FSHR: variants seen among roughly 807,000 people sequenced by gnomAD.
FSHR encodes the protein follicle-stimulating hormone receptor.
In FSHR, 46 loss-of-function variants were observed where a neutral mutation model predicts 52.1. The ratio of observed to expected loss-of-function variants is 0.88; its 90% CI spans 0.70 to 1.13. The LOEUF (loss-of-function observed/expected upper bound fraction) is 1.13. Among genes scored for constraint, FSHR ranks in the 50% most tolerant of loss-of-function variants. The pLI is 0.00. For synonymous variants in FSHR, 399 were observed against 309.6 expected, an observed-to-expected ratio of 1.29 and a Z score of -3.03; for missense variants, 964 against 834.6, an observed-to-expected ratio of 1.16 and a Z score of -1.91.
chr2:49,106,540 G>T (rs973377751), intron 1 of FSHR, among the ~76,000 whole-genome samples: 1 of 152,136 alleles, frequency 6.6e-6, no homozygotes, highest in African/African-American at 2.4e-5. Flanking sequence ...AATCAATTAA[G>T]CGAGAAGAAA....
At chr2:49,010,531 T>G (rs1667230902) in intron 4 of FSHR, among the ~76,000 whole-genome samples, 1 of 152,064 alleles carries the variant, frequency 6.6e-6, no homozygotes, top group East Asian at 1.9e-4. Flanking sequence ...ATCAGAATGA[T>G]GCTGGCCTCA....
intron 2 of FSHR, among the ~76,000 whole-genome samples, chr2:49,036,342 C>T (rs559420075): frequency 3.2e-4 from 49 of 152,018 alleles, no homozygotes; most frequent in African/African-American, 1.2e-3. Context: ...TCTCCAGTTA[C>T]CCTTTTTTAT....
At chr2:49,080,898 T>G (rs966973435) in intron 1 of FSHR, among the ~76,000 whole-genome samples, 10 of 152,128 alleles carry the variant, frequency 6.6e-5, no homozygotes, top group African/African-American at 2.4e-4. Context: ...CTACTCTAAT[T>G]ACCTAGGTCC....
intron 2 of FSHR, among the ~76,000 whole-genome samples, chr2:49,049,613 T>G (rs1335193980): frequency 1.3e-5 from 2 of 152,108 alleles, no homozygotes; most frequent in Non-Finnish European, 2.9e-5. Context: ...TATAAGCTTA[T>G]TAGCTCACAG....
chr2:49,041,989 C>T (rs190689885), intron 2 of FSHR, among the ~76,000 whole-genome samples: 16 of 152,030 alleles, frequency 1.1e-4, no homozygotes, highest in African/African-American at 3.9e-4. Context: ...ATAAGAAATA[C>T]AAAAACTAGT....
chr2:49,101,797 T>C (rs1671037162), intron 1 of FSHR, among the ~76,000 whole-genome samples: 1 of 152,184 alleles, frequency 6.6e-6, no homozygotes, highest in African/African-American at 2.4e-5. Flanking sequence ...TTATGGGGTC[T>C]GAGAAGTCCA....
intron 1 of FSHR, among the ~76,000 whole-genome samples, chr2:49,093,490 T>C (rs1417320915): frequency 6.6e-6 from 1 of 152,248 alleles, no homozygotes; most frequent in Non-Finnish European, 1.5e-5. Flanking sequence ...TTATCTGATA[T>C]TAATATAGCC....
At chr2:49,128,876 A>G (rs1268577785) in intron 1 of FSHR, among the ~76,000 whole-genome samples, 2 of 152,108 alleles carry the variant, frequency 1.3e-5, no homozygotes, top group East Asian at 3.9e-4. Context: ...AGAAGACAGG[A>G]GAATAACATG....
At chr2:48,968,496 G>C (rs1170887383) in intron 9 of FSHR, among the ~76,000 whole-genome samples, 1 of 152,216 alleles carries the variant, frequency 6.6e-6, no homozygotes, top group Non-Finnish European at 1.5e-5. Flanking sequence ...GCCCTCTCCT[G>C]TGAGCCCACT....
chr2:48,990,909 A>T (rs1158723197), intron 4 of FSHR, among the ~76,000 whole-genome samples: 1 of 151,436 alleles, frequency 6.6e-6, no homozygotes, highest in Admixed American at 6.6e-5. Flanking sequence ...AAAACGATTG[A>T]TAAGTTAATG....
chr2:49,085,660 C>T (rs1330311160), intron 1 of FSHR, among the ~76,000 whole-genome samples: 1 of 152,102 alleles, frequency 6.6e-6, no homozygotes, highest in African/African-American at 2.4e-5. Context: ...AAGACACATG[C>T]ACACGTATGT....
rs996081917 is a variant in FSHR at position 49,017,368 on chromosome 2, G to T, written c.374+121C>A. On this transcript the variant is annotated intron_variant, in intron 4 of 9. Coordinates refer to ENST00000406846, the MANE Select transcript of FSHR (RefSeq NM_000145.4). ...CAAGTATCTCTCCACCTCCACTTCT[G>T]CCCCCCACCACCATCCTTGATCAAA... 13 of 711,760 alleles carry T rather than the reference G, an allele frequency of 1.8e-5. No homozygotes were observed. In the Admixed American group the frequency reaches 3.2e-4, roughly 17 times the overall value. The allele number at this position is 711,760 out of a possible 1,614,324, so 44.1% of individuals were successfully genotyped here.
chr2:49,063,869 GAT>G (rs1358546572), intron 2 of FSHR, among the ~76,000 whole-genome samples: 1 of 152,014 alleles, frequency 6.6e-6, no homozygotes, highest in East Asian at 1.9e-4. Flanking sequence ...TGAGGTGTGA[GAT>G]ATGTTAATTA....
chr2:49,092,248 A>G (rs1238097697), intron 1 of FSHR, among the ~76,000 whole-genome samples: 2 of 152,222 alleles, frequency 1.3e-5, no homozygotes, highest in African/African-American at 2.4e-5. Context: ...CTCACTTTGT[A>G]GTTATAAGAG....
chr2:49,152,934 A>G (rs1313490729), intron 1 of FSHR, among the ~76,000 whole-genome samples: 1 of 152,252 alleles, frequency 6.6e-6, no homozygotes, highest in Admixed American at 6.5e-5. Context: ...TTACCTAATA[A>G]ATCAGACTGT....
intron 1 of FSHR, among the ~76,000 whole-genome samples, chr2:49,137,886 G>T (rs927154956): frequency 6.6e-6 from 1 of 151,952 alleles, no homozygotes; most frequent in African/African-American, 2.4e-5. Context: ...CTTAATCTTG[G>T]ATTTGGCAAA....
At chr2:49,083,491 A>C (rs1421292950) in intron 1 of FSHR, among the ~76,000 whole-genome samples, 3 of 147,894 alleles carry the variant, frequency 2.0e-5, no homozygotes, top group Non-Finnish European at 4.5e-5. Flanking sequence ...TTCACACATA[A>C]CAATATTAAC....
At chr2:49,026,092 C>G (rs1463966771) in intron 2 of FSHR, among the ~76,000 whole-genome samples, 1 of 152,156 alleles carries the variant, frequency 6.6e-6, no homozygotes, top group South Asian at 2.1e-4. Context: ...CTGCTTCCTT[C>G]TCATGGGCAA....
intron 1 of FSHR, among the ~76,000 whole-genome samples, chr2:49,096,008 A>G (rs1053442105): frequency 2.0e-5 from 3 of 152,198 alleles, no homozygotes; most frequent in African/African-American, 7.2e-5. Context: ...ATGCTCTCAC[A>G]TTGGTAGTAG....
Sources: gnomAD v4.1 joint callset for allele counts (sites outside exome capture counted in the v4.1 genomes callset) on GRCh38, gnomAD v4.1.1 for gene constraint, MANE v1.5 for transcripts, NCBI Gene and HGNC (gene_info 2026-07-23, HGNC 2026-07-21) for gene names.